Variants in CNTN5 observed in about 807,000 individuals in gnomAD.
CNTN5 encodes contactin-5.
A neutral mutation model predicts 129.1 loss-of-function variants in CNTN5; 77 were observed. The observed-to-expected ratio is 0.60, with a 90% confidence interval of 0.50 to 0.72. The LOEUF is 0.72. CNTN5 is among the 30% of genes least tolerant of loss of function. CNTN5 has a pLI of 0.00. For missense variants in CNTN5, 1,478 were observed against 1,328.8 expected, an observed-to-expected ratio of 1.11 and a Z score of -1.75; for synonymous variants, 509 against 465.6, an observed-to-expected ratio of 1.09 and a Z score of -1.20.
chr11:100,135,040 T>C (rs1946480358), intron 13 of CNTN5, among the ~76,000 whole-genome samples: 1 of 152,092 alleles, frequency 6.6e-6, no homozygotes, highest in Non-Finnish European at 1.5e-5. Flanking sequence ...CATTTAGGGG[T>C]TTATTATTAA....
chr11:99,445,621 T>G (rs1944030839), intron 2 of CNTN5, among the ~76,000 whole-genome samples: 1 of 152,212 alleles, frequency 6.6e-6, no homozygotes, highest in South Asian at 2.1e-4. Flanking sequence ...CTCTTTTTAT[T>G]CTATCCTCAA....
chr11:99,494,960 A>C (rs536412888), intron 2 of CNTN5, among the ~76,000 whole-genome samples: 47 of 152,216 alleles, frequency 3.1e-4, no homozygotes, highest in Non-Finnish European at 5.6e-4. Context: ...ATTGGTGCAA[A>C]GGTAGTCATT....
At chr11:100,346,135 A>C (rs1591532244) in intron 23 of CNTN5, among the ~76,000 whole-genome samples, 1 of 152,140 alleles carries the variant, frequency 6.6e-6, no homozygotes, top group Non-Finnish European at 1.5e-5. Flanking sequence ...AAAAACTTCA[A>C]ATCAAAGTTT....
intron 3 of CNTN5, among the ~76,000 whole-genome samples, chr11:99,637,632 T>C (rs901422724): frequency 3.9e-5 from 6 of 152,118 alleles, no homozygotes; most frequent in Non-Finnish European, 8.8e-5. Context: ...TTTTAGTTTG[T>C]TTTTAAACTT....
chr11:99,933,712 G>A (rs539017369), intron 7 of CNTN5, among the ~76,000 whole-genome samples: 41 of 152,264 alleles, frequency 2.7e-4, no homozygotes, highest in Non-Finnish European at 5.4e-4. Flanking sequence ...TTAGGTTGGT[G>A]CAAACGTAAT....
chr11:99,875,801 C>G (rs1948618583), intron 6 of CNTN5, among the ~76,000 whole-genome samples: 1 of 152,002 alleles, frequency 6.6e-6, no homozygotes, highest in African/African-American at 2.4e-5. Flanking sequence ...AAATAAATGA[C>G]TCAATGAATA....
intron 2 of CNTN5, among the ~76,000 whole-genome samples, chr11:99,358,294 C>T (rs1591569018): frequency 1.0e-5 from 1 of 97,782 alleles, no homozygotes; most frequent in African/African-American, 3.8e-5. Flanking sequence ...TGGGGTTTCA[C>T]CGTGTTAGCC....
At chr11:99,730,629 A>C (rs1349104588) in intron 3 of CNTN5, among the ~76,000 whole-genome samples, 1 of 152,170 alleles carries the variant, frequency 6.6e-6, no homozygotes, top group Non-Finnish European at 1.5e-5. Flanking sequence ...TTATTGTTTA[A>C]TTATAATCTG....
intron 3 of CNTN5, among the ~76,000 whole-genome samples, chr11:99,612,020 G>T (rs893395739): frequency 1.8e-4 from 27 of 152,200 alleles, no homozygotes; most frequent in African/African-American, 1.7e-4. Context: ...TTTTTCAAGG[G>T]CTCACTAGAG....
chr11:100,195,546 C>A (rs1482388910), intron 15 of CNTN5, among the ~76,000 whole-genome samples: 1 of 151,810 alleles, frequency 6.6e-6, no homozygotes, highest in East Asian at 1.9e-4. Context: ...ATAATTACAA[C>A]CCACTTTGAA....
At chr11:99,466,838 A>T (rs1299383436) in intron 2 of CNTN5, among the ~76,000 whole-genome samples, 1 of 152,000 alleles carries the variant, frequency 6.6e-6, no homozygotes, top group Non-Finnish European at 1.5e-5. Flanking sequence ...TTTTTTTTTA[A>T]ATACGGATTT....
intron 1 of CNTN5, among the ~76,000 whole-genome samples, chr11:99,265,640 C>T (rs1862849824): frequency 6.6e-6 from 1 of 151,862 alleles, no homozygotes; most frequent in South Asian, 2.1e-4. Context: ...TTGTAATTTT[C>T]AGTAATTTAT....
At chr11:99,706,990 A>G (rs1160642649) in intron 3 of CNTN5, among the ~76,000 whole-genome samples, 1 of 151,410 alleles carries the variant, frequency 6.6e-6, no homozygotes, top group Non-Finnish European at 1.5e-5. Context: ...ACCAGGCAGG[A>G]TCACACAACT....
chr11:99,580,662 G>T (rs1043425732), intron 3 of CNTN5, among the ~76,000 whole-genome samples: 9 of 151,952 alleles, frequency 5.9e-5, no homozygotes, highest in Admixed American at 1.3e-4. Flanking sequence ...TAGTTCTGTG[G>T]GGTCGGTGGT....
chr11:99,763,453 T>A (rs926462789), intron 3 of CNTN5, among the ~76,000 whole-genome samples: 1 of 152,150 alleles, frequency 6.6e-6, no homozygotes, highest in South Asian at 2.1e-4. Flanking sequence ...AGAGAATCTT[T>A]TTTGCTGATA....
chr11:99,282,737 T>C (rs1325586708), intron 1 of CNTN5, among the ~76,000 whole-genome samples: 1 of 152,072 alleles, frequency 6.6e-6, no homozygotes, highest in Non-Finnish European at 1.5e-5. Flanking sequence ...AAGTAAACTC[T>C]AAGTAACAGT....
At chr11:100,014,665 G>T (rs928892888) in intron 9 of CNTN5, among the ~76,000 whole-genome samples, 3 of 152,070 alleles carry the variant, frequency 2.0e-5, no homozygotes, top group African/African-American at 7.2e-5. Context: ...TCCAAGTGCT[G>T]CTTTCATAGG....
chr11:99,680,370 G>A (rs189866613), intron 3 of CNTN5, among the ~76,000 whole-genome samples: 104 of 152,208 alleles, frequency 6.8e-4, no homozygotes, highest in Middle Eastern at 3.4e-3. Context: ...ATTGTAAATT[G>A]AAGCCAGTGC....
At chr11:99,221,916 C>T (rs1162434998) in intron 1 of CNTN5, among the ~76,000 whole-genome samples, 1 of 151,830 alleles carries the variant, frequency 6.6e-6, no homozygotes, top group Non-Finnish European at 1.5e-5. Flanking sequence ...CTTTCATCTA[C>T]TGGAATATAT....
Sources: gnomAD v4.1 joint callset for allele counts (sites outside exome capture counted in the v4.1 genomes callset) on GRCh38, gnomAD v4.1.1 for gene constraint, MANE v1.5 for transcripts, NCBI Gene and HGNC (gene_info 2026-07-23, HGNC 2026-07-21) for gene names.